Variants in SP2 observed in about 807,000 individuals in gnomAD.
SP2 encodes the protein transcription factor Sp2.
In SP2, 9 loss-of-function variants were observed where a neutral mutation model predicts 50.1. The ratio of observed to expected loss-of-function variants is 0.18; its 90% confidence interval spans 0.11 to 0.31. SP2 has a LOEUF of 0.31. Among genes scored for constraint, SP2 ranks in the 10% least tolerant of loss-of-function variants. SP2 has a pLI of 1.00. For synonymous variants in SP2, 313 were observed against 326.6 expected (o/e 0.96, Z 0.45); for missense variants, 581 against 806.5 (o/e 0.72, Z 3.39).
At chr17:47,901,491 G>A (rs933839990) in intron 1 of SP2, among the ~76,000 whole-genome samples, 7 of 151,986 alleles carry the variant, frequency 4.6e-5, no homozygotes, top group African/African-American at 9.7e-5. Flanking sequence ...ACAGAGTCTC[G>A]CTCTGTCACC....
At chr17:47,926,924 C>T (rs2035673343) in intron 6 of SP2, among the ~76,000 whole-genome samples, 1 of 152,226 alleles carries the variant, frequency 6.6e-6, no homozygotes, top group African/African-American at 2.4e-5. Flanking sequence ...AGCTCCGGCT[C>T]CTGGCCAGTG....
chr17:47,916,442 C>T lies in SP2; in HGVS notation c.371C>T (p.Thr124Ile), dbSNP rs750409690. The change falls in exon 3 of 7, where the codon ACC becomes ATC. Residue 124 changes from threonine (T) to isoleucine (I), a missense_variant. Transcript: ENST00000376741. This position sits in a 1 kb window ranked among gnomAD's most constrained non-coding sequence, Gnocchi z 4.7. ...AATCCCACCATGATCAACAAAGGGA[C>T]CCGATCAAATGCCAATATCCAGTAC... ...IQNPTMINKG[T>I]RSNANIQYQA... The T allele has an allele frequency of 1.5e-5, 25 of 1,614,018 alleles. No homozygotes were observed. Among genetic ancestry groups the T allele is most frequent in the Admixed American group, 1.5e-4 (9 of 59,986 alleles).
At chr17:47,925,905 C>CTTTTTTTT (rs71141942) in intron 6 of SP2, among the ~76,000 whole-genome samples, 6 of 84,442 alleles carry the variant, frequency 7.1e-5, no homozygotes, top group African/African-American at 2.4e-4. Flanking sequence ...TTGTTTATGC[C>CTTTTTTTT]TTTTTTTTTT....
chr17:47,919,935 C>T (rs1476455434), intron 3 of SP2, among the ~76,000 whole-genome samples: 1 of 147,436 alleles, frequency 6.8e-6, no homozygotes, highest in Non-Finnish European at 1.5e-5. Context: ...CTCCTGGGTT[C>T]AAGCGATTCT....
downstream of SP2, among the ~76,000 whole-genome samples, chr17:47,930,397 C>G (rs1338520583): frequency 1.3e-5 from 2 of 152,206 alleles, no homozygotes; most frequent in Admixed American, 1.3e-4. Flanking sequence ...AGAAACTGAC[C>G]TGACTCCCCA....
At chr17:47,920,443 T>G (rs556528520) in intron 3 of SP2, among the ~76,000 whole-genome samples, 2 of 152,120 alleles carry the variant, frequency 1.3e-5, no homozygotes, top group East Asian at 3.9e-4. Context: ...AGCGCCACCA[T>G]GCCCAGCTGA....
intron 1 of SP2, among the ~76,000 whole-genome samples, chr17:47,896,931 A>G (rs529831753): frequency 1.8e-4 from 28 of 152,342 alleles, no homozygotes; most frequent in African/African-American, 6.3e-4. Context: ...GGGAGTGGGC[A>G]AAAACCTTCC....
At chr17:47,904,217 A>G (rs1254490283) in intron 1 of SP2, among the ~76,000 whole-genome samples, 4 of 146,180 alleles carry the variant, frequency 2.7e-5, no homozygotes, top group African/African-American at 7.6e-5. Context: ...GTGAGCTGAG[A>G]TTGTGGCACT....
At chr17:47,896,361 C>T (rs2034328765) in intron 1 of SP2, 68 bp downstream of exon 1, 2 of 1,202,398 alleles carry the variant, frequency 1.7e-6, no homozygotes, top group Non-Finnish European at 1.0e-6. Context: ...GCAGAGGCCG[C>T]GGGGAGAGGG....
chr17:47,916,750 G>T lies in SP2; in HGVS notation c.679G>T (p.Ala227Ser), dbSNP rs150853499. 6.5e-4 allele frequency: 1,055 copies of T among 1,613,074 alleles called. 16 individuals carry two copies. The East Asian group carries it at 0.016, about 24-fold the overall frequency. ...CCTTGTGAACGCCAGTGACACCGGG[G>T]CCCCTACTCAGCTCCTCACTGAAAG... Reference protein sequence around the residue: ...NNLVNASDTGAPTQLLTESPP... With the variant: ...NNLVNASDTGSPTQLLTESPP... Residue 227 changes from alanine to serine, a missense_variant, in exon 3 of 7, where the codon GCC becomes TCC. By Grantham distance (99) the Ala-to-Ser change is moderately conservative. Coordinates refer to ENST00000376741, the MANE Select transcript of SP2 (RefSeq NM_003110.6). This position sits in a 1 kb window ranked among gnomAD's most constrained non-coding sequence, Gnocchi z 4.7.
rs368512334 is a variant in SP2 at position 47,920,607 on chromosome 17, G to A, written c.1060-2355G>A. On this transcript the variant is annotated intron_variant, in intron 3 of 6. Coordinates refer to ENST00000376741, the MANE Select transcript of SP2 (RefSeq NM_003110.6). ...GGCCAATTTTTGTATTTTTTTAGTAGAGACGGGGTTTTACCATCTTGGCCA... is the reference window on the plus strand; with the variant it reads ...GGCCAATTTTTGTATTTTTTTAGTAAAGACGGGGTTTTACCATCTTGGCCA... Among the ~76,000 whole-genome samples, 10 of 151,518 alleles carry A rather than the reference G, an allele frequency of 6.6e-5. No individual in the cohort carries two copies. The East Asian group carries it at 1.4e-3, about 21-fold the overall frequency.
intron 4 of SP2, 150 bp downstream of exon 4, chr17:47,923,424 A>G: frequency 1.5e-6 from 1 of 646,870 alleles, no homozygotes; most frequent in Non-Finnish European, 2.7e-6. Flanking sequence ...CTTCTCACCT[A>G]GTCCTTACAA....
At chr17:47,929,928 T>G (rs574549182), downstream of SP2, 1 of 152,488 alleles carries the variant, frequency 6.6e-6, no homozygotes, top group South Asian at 2.1e-4. Context: ...CACCTGTGTC[T>G]GCCAGCAAAC....
chr17:47,899,688 G>A (rs903926685), intron 1 of SP2: 3 of 152,266 alleles, frequency 2.0e-5, no homozygotes, highest in African/African-American at 7.2e-5. Flanking sequence ...GCAGCTTAGG[G>A]GAAGTCATGG....
At chr17:47,920,543 C>T (rs894283836) in intron 3 of SP2, among the ~76,000 whole-genome samples, 1 of 152,188 alleles carries the variant, frequency 6.6e-6, no homozygotes, top group Admixed American at 6.5e-5. Flanking sequence ...GCCTCAGCCT[C>T]CCAAAGTGCT....
chr17:47,910,873 T>C (rs1468762899), intron 1 of SP2, among the ~76,000 whole-genome samples: 4 of 152,182 alleles, frequency 2.6e-5, no homozygotes, highest in African/African-American at 4.8e-5. Context: ...GGCCCTGAAA[T>C]GTGCAGGACT....
intron 3 of SP2, among the ~76,000 whole-genome samples, chr17:47,918,937 G>A (rs76783777): frequency 0.021 from 3,151 of 152,000 alleles, 106 homozygotes; most frequent in African/African-American, 0.072. Context: ...AATATGCCCC[G>A]CAAAGCTAAA....
Position 47,925,553 on chromosome 17 carries a change from G to T in SP2, c.1741+12G>T. On this transcript the variant is annotated intron_variant, in intron 6 of 6. Coordinates refer to ENST00000376741, the MANE Select transcript of SP2 (RefSeq NM_003110.6). Reference sequence around the variant, plus strand: ...TCGCACCCACACAGGTCAGCCCCCTGCCTTCGGGACCCTCCACCCACAGAG... The same window carrying T: ...TCGCACCCACACAGGTCAGCCCCCTTCCTTCGGGACCCTCCACCCACAGAG... The T allele has an allele frequency of 6.2e-7, 1 of 1,607,932 alleles. No homozygotes were observed. The highest frequency in any genetic ancestry group is 8.5e-7 in the Non-Finnish European group (1 of 1,175,932).
At chr17:47,899,806 T>A (rs1255453146) in intron 1 of SP2, 2 of 152,284 alleles carry the variant, frequency 1.3e-5, no homozygotes, top group Non-Finnish European at 2.9e-5. Context: ...TGATGTGCTC[T>A]TGGGAGATGA....
Sources: gnomAD v4.1 joint callset for allele counts (sites outside exome capture counted in the v4.1 genomes callset) on GRCh38, gnomAD v4.1.1 for gene constraint, Gnocchi (gnomAD v3.1) non-coding constraint, MANE v1.5 for transcripts, NCBI Gene and HGNC (gene_info 2026-07-23, HGNC 2026-07-21) for gene names.